The following FTO variants were observed in gnomAD, a reference collection of about 807,000 sequenced individuals.
FTO encodes alpha-ketoglutarate-dependent dioxygenase FTO.
FTO carries 47 observed loss-of-function variants against 63.9 expected under a neutral mutation model. The ratio of observed to expected loss-of-function variants is 0.74; its 90% CI spans 0.58 to 0.94. The LOEUF (loss-of-function observed/expected upper bound fraction) is 0.94, where lower values mean the gene tolerates loss of function less well. Among genes scored for constraint, FTO ranks in the 40% least tolerant of loss-of-function variants. The pLI, the probability that FTO is intolerant of heterozygous loss-of-function variation, is 0.00. For synonymous variants in FTO, 207 were observed against 224.4 expected, an observed-to-expected ratio of 0.92 and a Z score of 0.69; for missense variants, 562 against 618.1, an observed-to-expected ratio of 0.91 and a Z score of 0.96.
rs529342674 is a variant in FTO at position 53,774,258 on chromosome 16, C to T, written c.46-35882C>T. Among the ~76,000 whole-genome samples, 42 of 152,214 alleles carry T rather than the reference C, an allele frequency of 2.8e-4. No individual in the cohort carries two copies. In the South Asian group the frequency reaches 3.9e-3, roughly 14 times the overall value. ...ATTTCTTAAAATGGAGATTATAATACGCACCCTTGTGTGTCTCCTCCACCA... is the reference window on the plus strand; with the variant it reads ...ATTTCTTAAAATGGAGATTATAATATGCACCCTTGTGTGTCTCCTCCACCA... On this transcript the variant is annotated intron_variant, in intron 1 of 8. Transcript: ENST00000471389.
intron 1 of FTO, among the ~76,000 whole-genome samples, chr16:53,750,248 T>G (rs2076755048): frequency 6.6e-6 from 1 of 152,092 alleles, no homozygotes; most frequent in Non-Finnish European, 1.5e-5. Context: ...TTCTTTTCTT[T>G]TTTTTTTGAG....
chr16:53,818,424 C>T (rs905545095), intron 2 of FTO, among the ~76,000 whole-genome samples: 1 of 151,880 alleles, frequency 6.6e-6, no homozygotes, highest in South Asian at 2.1e-4. Flanking sequence ...GATTTTTGAC[C>T]ATTTAGAGCC....
chr16:53,777,085 C>CT (rs1394389313), intron 1 of FTO, among the ~76,000 whole-genome samples: 1 of 152,128 alleles, frequency 6.6e-6, no homozygotes, highest in Admixed American at 6.5e-5. Flanking sequence ...TACTTAAAAT[C>CT]TACTATTTTA....
At chr16:53,735,275 A>T (rs929885118) in intron 1 of FTO, among the ~76,000 whole-genome samples, 7 of 152,332 alleles carry the variant, frequency 4.6e-5, no homozygotes, top group Non-Finnish European at 1.0e-4. Flanking sequence ...ATTAGCACTG[A>T]CAGTGTTCTA....
intron 7 of FTO, among the ~76,000 whole-genome samples, chr16:53,921,079 G>A (rs2081996115): frequency 6.6e-6 from 1 of 152,210 alleles, no homozygotes; most frequent in Admixed American, 6.5e-5. Flanking sequence ...CAGCAGTTGG[G>A]TTAAAGACAC....
chr16:54,045,061 G>C, intron 8 of FTO, among the ~76,000 whole-genome samples: 1 of 86,824 alleles, frequency 1.2e-5, no homozygotes, highest in Non-Finnish European at 1.9e-5. Flanking sequence ...AGAAAAGCAA[G>C]AGCAAACACA....
intron 8 of FTO, among the ~76,000 whole-genome samples, chr16:54,000,709 A>G (rs1214123706): frequency 6.6e-6 from 1 of 152,220 alleles, no homozygotes; most frequent in Admixed American, 6.5e-5. Flanking sequence ...TTTCCAAAAC[A>G]CATGTCCATC....
In FTO at chr16:53,705,862, G is replaced by A. The variant is rs189106035; in HGVS notation, c.45+1633G>A. Among the ~76,000 whole-genome samples the A allele has an allele frequency of 3.3e-3, 506 of 152,282 alleles. 4 individuals carry two copies. The highest frequency in any genetic ancestry group is 0.011 in the African/African-American group (468 of 41,568). On this transcript the variant is annotated intron_variant, in intron 1 of 8. Coordinates refer to ENST00000471389, the MANE Select transcript of FTO (RefSeq NM_001080432.3). ...GTTGAGCACCTATTATTTGCCATAA[G>A]TTGGGATTATAATTTTGGCTGAAAT...
intron 8 of FTO, among the ~76,000 whole-genome samples, chr16:53,958,862 G>A (rs932221033): frequency 6.6e-6 from 1 of 152,174 alleles, no homozygotes; most frequent in Admixed American, 6.5e-5. Flanking sequence ...TTAAAGCAAA[G>A]CCTGGGTTCA....
intron 2 of FTO, among the ~76,000 whole-genome samples, chr16:53,811,814 CT>C (rs201514245): frequency 6.6e-5 from 10 of 151,310 alleles, no homozygotes; most frequent in African/African-American, 2.2e-4. Context: ...TCTGTCTCTT[CT>C]TTTTTTTTAT....
At chr16:53,732,803 C>T (rs1244553101) in intron 1 of FTO, among the ~76,000 whole-genome samples, 1 of 152,008 alleles carries the variant, frequency 6.6e-6, no homozygotes. Flanking sequence ...TTTTTGGCTT[C>T]TGATGAAATG....
chr16:53,849,111 G>C (rs1405704261), intron 4 of FTO, among the ~76,000 whole-genome samples: 1 of 152,112 alleles, frequency 6.6e-6, no homozygotes, highest in Non-Finnish European at 1.5e-5. Context: ...CAACAGTTTA[G>C]GGTAGAGTTG....
chr16:53,726,067 A>G (rs950422290), intron 1 of FTO, among the ~76,000 whole-genome samples: 2 of 152,224 alleles, frequency 1.3e-5, no homozygotes. Context: ...ACAATCATGT[A>G]TTTCTACTAC....
chr16:53,906,475 G>A (rs1486216559), intron 7 of FTO, among the ~76,000 whole-genome samples: 6 of 152,174 alleles, frequency 3.9e-5, no homozygotes, highest in African/African-American at 1.4e-4. Context: ...CCTTCATTCT[G>A]TGGGGGACTC....
chr16:53,906,432 C>A (rs759281064), intron 7 of FTO, among the ~76,000 whole-genome samples: 2 of 152,170 alleles, frequency 1.3e-5, no homozygotes, highest in East Asian at 3.9e-4. Flanking sequence ...TCACTTTAAA[C>A]GAACAGAGAG....
At chr16:53,882,930 G>C (rs2080877041) in intron 6 of FTO, among the ~76,000 whole-genome samples, 2 of 152,134 alleles carry the variant, frequency 1.3e-5, no homozygotes, top group African/African-American at 4.8e-5. Context: ...TTGATGCTGA[G>C]CTCAAGTCTG....
intron 4 of FTO, among the ~76,000 whole-genome samples, chr16:53,850,349 T>C (rs1386659857): frequency 2.6e-5 from 4 of 152,112 alleles, no homozygotes; most frequent in African/African-American, 4.8e-5. Context: ...TTTTTTTTTT[T>C]CCAGGGATGA....
At chr16:53,764,686 T>C (rs2077155452) in intron 1 of FTO, among the ~76,000 whole-genome samples, 1 of 152,090 alleles carries the variant, frequency 6.6e-6, no homozygotes. Flanking sequence ...AAATGTTTGA[T>C]CCAATATAGG....
At chr16:53,967,727 G>T (rs1193703121) in intron 8 of FTO, among the ~76,000 whole-genome samples, 1 of 152,180 alleles carries the variant, frequency 6.6e-6, no homozygotes, top group Non-Finnish European at 1.5e-5. Context: ...TAAAAAGGCA[G>T]AAAGACTAAA....
Sources: allele counts gnomAD v4.1 joint callset (sites outside exome capture counted in the v4.1 genomes callset), GRCh38; gene constraint gnomAD v4.1.1; transcripts MANE v1.5; gene names NCBI Gene and HGNC (gene_info 2026-07-23, HGNC 2026-07-21).